KAT7: variants seen among roughly 807,000 people sequenced by gnomAD.
KAT7 encodes histone acetyltransferase KAT7.
In KAT7, 10 loss-of-function variants were observed where a neutral mutation model predicts 82.1. That is an observed-to-expected ratio of 0.12 (90% CI 0.08 to 0.21). The LOEUF (loss-of-function observed/expected upper bound fraction) is 0.21, where lower values mean the gene tolerates loss of function less well. Among genes scored for constraint, KAT7 ranks in the 10% least tolerant of loss-of-function variants. KAT7 has a pLI of 1.00. For synonymous variants in KAT7, 250 were observed against 262.5 expected, an observed-to-expected ratio of 0.95 and a Z score of 0.46; for missense variants, 378 against 760.9, an observed-to-expected ratio of 0.50 and a Z score of 5.92.
intron 10 of KAT7, 50 bp downstream of exon 10, chr17:49,821,476 G>C (rs2074302790): frequency 1.3e-6 from 2 of 1,547,526 alleles, no homozygotes; most frequent in East Asian, 4.5e-5. Flanking sequence ...ATATTCACAG[G>C]TTTCAGAAGG....
chr17:49,821,026 TAAGC>T (rs1442693254), intron 9 of KAT7, among the ~76,000 whole-genome samples: 1 of 152,164 alleles, frequency 6.6e-6, no homozygotes, highest in Non-Finnish European at 1.5e-5. Flanking sequence ...CATTTGGTAA[TAAGC>T]AAGCGTATTG....
intron 7 of KAT7, 104 bp from the exon 8 acceptor site, chr17:49,815,699 A>G (rs1246912954): frequency 2.7e-6 from 2 of 733,376 alleles, no homozygotes; most frequent in Non-Finnish European, 4.8e-6. Context: ...GGCACTAAAT[A>G]AATAGCTTAT....
At chr17:49,805,277 G>A (rs2074077265) in intron 4 of KAT7, 86 bp from the exon 5 acceptor site, 2 of 877,210 alleles carry the variant, frequency 2.3e-6, no homozygotes, top group Middle Eastern at 2.2e-4. Context: ...AAATGATGTA[G>A]CAAAAAAACA....
chr17:49,788,913 G>A lies in KAT7; in HGVS notation c.15+64G>A, dbSNP rs368552248. ...ACAGTCGATTGAGCACCGTGACGCA[G>A]TTGGCCACGCCTCACAGTGCTTGGG... On this transcript the variant is annotated intron_variant, in intron 1 of 14. Coordinates refer to ENST00000259021, the MANE Select transcript of KAT7 (RefSeq NM_007067.5). 17 of 1,450,472 alleles carry A rather than the reference G, an allele frequency of 1.2e-5. No individual in the cohort carries two copies. The African/African-American group carries it at 1.7e-4, about 15-fold the overall frequency. The allele number at this position is 1,450,472 out of a possible 1,614,324, so 89.9% of individuals were successfully genotyped here. A position where few individuals can be genotyped will look rare whatever the true frequency, so the allele number is the denominator to read the frequency against.
intron 4 of KAT7, among the ~76,000 whole-genome samples, chr17:49,800,052 C>T (rs1233458020): frequency 1.4e-5 from 2 of 148,104 alleles, no homozygotes; most frequent in East Asian, 3.9e-4. Flanking sequence ...CGCTCTGTCC[C>T]CCAGGCTGGA....
chr17:49,811,949 A>G (rs1402680435), intron 7 of KAT7, among the ~76,000 whole-genome samples: 1 of 152,232 alleles, frequency 6.6e-6, no homozygotes, highest in African/African-American at 2.4e-5. Flanking sequence ...TTTTAATGGA[A>G]AAATAGATTT....
Position 49,788,711 on chromosome 17 carries a change from G to A in KAT7, c.-124G>A, listed in dbSNP as rs1412123707. 1.9e-6 allele frequency: 2 copies of A among 1,038,868 alleles called. No individual in the cohort carries two copies. Among genetic ancestry groups the A allele is most frequent in the East Asian group, 3.1e-5 (1 of 32,028 alleles). The allele number at this position is 1,038,868 out of a possible 1,614,324, so 64.4% of individuals were successfully genotyped here. A position where few individuals can be genotyped will look rare whatever the true frequency, so the allele number is the denominator to read the frequency against. On this transcript the variant is annotated 5_prime_UTR_variant, in exon 1 of 15. Coordinates refer to ENST00000259021, the MANE Select transcript of KAT7 (RefSeq NM_007067.5). ...ACGCTCCAGACGCTGAGAGGCAGGA[G>A]GCACTAGGGATCGTCCGCAGGATTG...
At chr17:49,796,505 G>A (rs981290800) in intron 2 of KAT7, among the ~76,000 whole-genome samples, 1 of 152,166 alleles carries the variant, frequency 6.6e-6, no homozygotes, top group African/African-American at 2.4e-5. Flanking sequence ...TGGTGGAGTG[G>A]AGTTGAATCA....
In KAT7 at chr17:49,794,147, A is replaced by T. The variant is rs113636159; in HGVS notation, c.163+2114A>T. Among the ~76,000 whole-genome samples, 877 of 152,296 alleles carry T rather than the reference A, an allele frequency of 5.8e-3. 13 individuals carry two copies. The highest frequency in any genetic ancestry group is 0.02 in the African/African-American group (816 of 41,562). ...TAGTTCCTGTCCTCAAAGATCTTAC[A>T]GTTCAGTGCAAGATACAGATATGAA... is the stretch of plus-strand genomic sequence containing the variant. On this transcript the variant is annotated intron_variant, in intron 2 of 14. Transcript: ENST00000259021.
chr17:49,797,142 C>A (rs994771009), intron 3 of KAT7, among the ~76,000 whole-genome samples: 15 of 151,654 alleles, frequency 9.9e-5, no homozygotes, highest in Admixed American at 7.2e-4. Flanking sequence ...TGGCTCACTG[C>A]AAGCTCTGCC....
intron 3 of KAT7, among the ~76,000 whole-genome samples, chr17:49,797,175 T>G (rs1237856643): frequency 2.6e-5 from 4 of 152,008 alleles, no homozygotes; most frequent in Non-Finnish European, 5.9e-5. Flanking sequence ...GCCATTCTCC[T>G]GCCTCAGCCT....
At chr17:49,807,144 C>A (rs2074101468) in intron 5 of KAT7, among the ~76,000 whole-genome samples, 1 of 152,206 alleles carries the variant, frequency 6.6e-6, no homozygotes, top group African/African-American at 2.4e-5. Flanking sequence ...TAAAAGACTG[C>A]ATTTAAGGAG....
intron 5 of KAT7, among the ~76,000 whole-genome samples, chr17:49,807,492 G>T (rs1421588815): frequency 6.6e-6 from 1 of 152,236 alleles, no homozygotes; most frequent in Non-Finnish European, 1.5e-5. Flanking sequence ...GCCGTGTATG[G>T]CTGGATCCAG....
At chr17:49,790,047 G>C (rs1283659122) in intron 1 of KAT7, 1 of 152,104 alleles carries the variant, frequency 6.6e-6, no homozygotes, top group African/African-American at 2.4e-5. Context: ...TTCCTGGCAG[G>C]TTACCCTTAA....
At chr17:49,801,906 G>A (rs1391934713) in intron 4 of KAT7, among the ~76,000 whole-genome samples, 2 of 152,120 alleles carry the variant, frequency 1.3e-5, no homozygotes, top group Admixed American at 1.3e-4. Context: ...ACTCATACCC[G>A]CAGAACTGTG....
At chr17:49,811,752 G>A (rs1272989559) in intron 7 of KAT7, among the ~76,000 whole-genome samples, 178 bp downstream of exon 7, 2 of 152,152 alleles carry the variant, frequency 1.3e-5, no homozygotes, top group African/African-American at 4.8e-5. Context: ...ATTGTTGAGA[G>A]TGGAAACAGG....
intron 1 of KAT7, chr17:49,789,926 A>G (rs1432478309): frequency 6.6e-6 from 1 of 152,208 alleles, no homozygotes; most frequent in African/African-American, 2.4e-5. Flanking sequence ...GGATCAAGCC[A>G]GGAAGGAATA....
At chr17:49,807,719 G>A (rs1248912204) in intron 5 of KAT7, among the ~76,000 whole-genome samples, 1 of 152,152 alleles carries the variant, frequency 6.6e-6, no homozygotes, top group Non-Finnish European at 1.5e-5. Context: ...AGTAGTTGGT[G>A]GACTGGACTA....
chr17:49,824,184 G>C (rs950263814), intron 12 of KAT7, among the ~76,000 whole-genome samples: 5 of 152,148 alleles, frequency 3.3e-5, no homozygotes, highest in African/African-American at 1.2e-4. Flanking sequence ...TTTCCCGTAG[G>C]AGTAGTGGTT....
Sources: allele counts gnomAD v4.1 joint callset (sites outside exome capture counted in the v4.1 genomes callset), GRCh38; gene constraint gnomAD v4.1.1; transcripts MANE v1.5; gene names NCBI Gene and HGNC (gene_info 2026-07-23, HGNC 2026-07-21).